Variants in SUPT20H observed in about 807,000 individuals in gnomAD.
The protein encoded by SUPT20H is SPT20 homolog, SAGA complex component.
A neutral mutation model predicts 122.8 loss-of-function variants in SUPT20H; 82 were observed. The ratio of observed to expected loss-of-function variants is 0.67; its 90% CI spans 0.56 to 0.80. The LOEUF is 0.80. SUPT20H is among the 30% of genes least tolerant of loss of function. The pLI, the probability that SUPT20H is intolerant of heterozygous loss-of-function variation, is 0.00. For synonymous variants in SUPT20H, 291 were observed against 313.0 expected (o/e 0.93, Z 0.74); for missense variants, 831 against 921.6 (o/e 0.90, Z 1.27).
chr13:37,029,581 A>G (rs2062936578), intron 13 of SUPT20H, among the ~76,000 whole-genome samples, 184 bp downstream of exon 13: 1 of 152,124 alleles, frequency 6.6e-6, no homozygotes, highest in Non-Finnish European at 1.5e-5. Context: ...GCTGTTTAAA[A>G]TGCAAAGCAT....
At chr13:37,053,549 G>A (rs1401452873) in intron 1 of SUPT20H, among the ~76,000 whole-genome samples, 1 of 151,970 alleles carries the variant, frequency 6.6e-6, no homozygotes, top group Non-Finnish European at 1.5e-5. Flanking sequence ...GGGATGGAGA[G>A]CATTAGGACA....
Position 37,022,078 on chromosome 13 carries a change from T to C in SUPT20H, c.1594A>G (p.Thr532Ala). The C allele has an allele frequency of 1.2e-6, 2 of 1,614,062 alleles. No individual in the cohort carries two copies. The highest frequency in any genetic ancestry group is 1.7e-6 in the Non-Finnish European group (2 of 1,179,946). Reference protein sequence around the residue: ...ALSPASSSQRTTATQVMANSA... With the variant: ...ALSPASSSQRATATQVMANSA... ...TTTGCCATGACCTGGGTGGCCGTGG[T>C]TCCTGGAGTTATAGATGTTACCATG... The change falls in exon 20 of 26, where the codon ACC becomes GCC. Residue 532 changes from threonine (T) to alanine (A), a missense_variant and splice_region_variant. Physicochemically the swap from Thr to Ala is moderately conservative, Grantham distance 58. Transcript: ENST00000350612. The surrounding 1 kb of genome is among the most constrained non-coding windows in gnomAD (Gnocchi z 4.5).
At position 37,012,423 on chromosome 13, in the gene SUPT20H, C is replaced by A. The variant is rs1018922741; in HGVS notation, c.1993-126G>T. The A allele has an allele frequency of 4.9e-6, 3 of 606,546 alleles. No homozygotes were observed. In the African/African-American group the frequency reaches 5.6e-5, roughly 11 times the overall value. 37.6% of individuals were successfully genotyped at this position (606,546 alleles called of 1,614,324 possible). ...TAGACTAGTCTTGTAAAAAGAATAA[C>A]AAGGAAAATACTTCAAAGGTATTTA... is the stretch of plus-strand genomic sequence containing the variant. On this transcript the variant is annotated intron_variant, in intron 23 of 25. Transcript: ENST00000350612.
chr13:37,025,476 C>A, intron 16 of SUPT20H, 39 bp from the exon 17 acceptor site: 1 of 1,367,706 alleles, frequency 7.3e-7, no homozygotes, highest in Admixed American at 1.9e-5. Flanking sequence ...ATTAGAAAAC[C>A]TGTTTTAAAC....
Position 37,043,845 on chromosome 13 carries a change from C to T in SUPT20H, c.396+233G>A, listed in dbSNP as rs148780682. Among the ~76,000 whole-genome samples the T allele has an allele frequency of 0.026, 3,925 of 151,290 alleles. 167 individuals are homozygous for T. Among genetic ancestry groups the T allele is most frequent in the African/African-American group, 0.091 (3,750 of 41,276 alleles). On this transcript the variant is annotated intron_variant, in intron 7 of 25. Transcript: ENST00000350612. ...AAACTCCTGGGCTCAAGTGATCCTCCTGCCTTAGCCTCCCAAAGTGCTGGG... is the reference window on the plus strand; with the variant it reads ...AAACTCCTGGGCTCAAGTGATCCTCTTGCCTTAGCCTCCCAAAGTGCTGGG...
At chr13:37,036,037 TG>T (rs2064321351) in intron 9 of SUPT20H, among the ~76,000 whole-genome samples, 1 of 152,262 alleles carries the variant, frequency 6.6e-6, no homozygotes, top group Middle Eastern at 3.4e-3. Flanking sequence ...AAACAATCAA[TG>T]GGGCAAACTT....
chr13:37,021,253 C>T (rs1428390110), intron 21 of SUPT20H, among the ~76,000 whole-genome samples, 195 bp downstream of exon 21: 1 of 152,192 alleles, frequency 6.6e-6, no homozygotes, highest in East Asian at 1.9e-4. Context: ...ACCAAGTTTT[C>T]CACAGAAGTT....
Position 37,021,594 on chromosome 13 carries a change from TG to T in SUPT20H, c.1669del (p.Gln557ArgfsTer3). The T allele has an allele frequency of 6.2e-7, 1 of 1,612,272 alleles. No homozygotes were observed. Among genetic ancestry groups the T allele is most frequent in the Non-Finnish European group, 8.5e-7 (1 of 1,179,478 alleles). ...GGGGTTTGAACCACTCATCAAAGCC[TG>T]GGCCCCACTGCAGGAGAATAAGACA... Reference protein sequence around the residue: ...INVVGSVCGAQALMSGSNPML... With the variant: ...INVVGSVCGAXALMSGSNPML... On this transcript the variant is annotated frameshift_variant, in exon 21 of 26. Coordinates refer to ENST00000350612, the MANE Select transcript of SUPT20H (RefSeq NM_001014286.3). LOFTEE classifies it high-confidence loss of function.
At chr13:37,031,155 T>C (rs542058291) in intron 12 of SUPT20H, among the ~76,000 whole-genome samples, 2 of 152,106 alleles carry the variant, frequency 1.3e-5, no homozygotes, top group East Asian at 3.9e-4. Flanking sequence ...TATTTTATTT[T>C]ATGTCAAATA....
chr13:37,010,772 A>C, intron 24 of SUPT20H, 117 bp from the exon 25 acceptor site: 2 of 683,620 alleles, frequency 2.9e-6, no homozygotes, highest in South Asian at 3.7e-5. Context: ...ATTAATCTTA[A>C]GTATCAAATC....
At chr13:37,046,881 C>A (rs139079775) in intron 5 of SUPT20H, 2 of 152,186 alleles carry the variant, frequency 1.3e-5, no homozygotes, top group African/African-American at 4.8e-5. Context: ...TAAAGTTAGA[C>A]ACTACTGGAA....
Position 37,010,914 on chromosome 13 carries a change from C to T in SUPT20H, c.2099-259G>A, listed in dbSNP as rs559486293. 6.3e-4 allele frequency: 190 copies of T among 302,496 alleles called. 1 individual carries two copies. The highest frequency in any genetic ancestry group is 3.3e-3 in the African/African-American group (156 of 47,772). 18.7% of individuals were successfully genotyped at this position (302,496 alleles called of 1,614,324 possible). ...AAAGCACTGAACCTCTCTTCTCTTG[C>T]ATCTGTATAAAATTTGATATTGATG... On this transcript the variant is annotated intron_variant, in intron 24 of 25. Transcript: ENST00000350612.
chr13:37,056,325 T>C (rs554373190), intron 1 of SUPT20H, among the ~76,000 whole-genome samples: 11 of 152,344 alleles, frequency 7.2e-5, no homozygotes, highest in South Asian at 4.1e-4. Context: ...CGTATGTTTA[T>C]TGCAGCACTA....
At chr13:37,023,753 G>A (rs1054592796) in intron 19 of SUPT20H, 1 of 253,390 alleles carries the variant, frequency 3.9e-6, no homozygotes, top group Non-Finnish European at 7.4e-6. Context: ...ATTGCCACAT[G>A]TAACTACCAG....
At position 37,025,363 on chromosome 13, in the gene SUPT20H, C is replaced by A. The variant is rs1230018270; in HGVS notation, c.1286G>T (p.Gly429Val). 1 of 1,613,804 alleles carries A rather than the reference C, an allele frequency of 6.2e-7. No individual in the cohort carries two copies. Among genetic ancestry groups the A allele is most frequent in the Non-Finnish European group, 8.5e-7 (1 of 1,179,868 alleles). Residue 429 changes from glycine (G) to valine (V), a missense_variant, in exon 17 of 26, where the codon GGC becomes GTC. Gly to Val is a moderately radical substitution (Grantham distance 109, BLOSUM62 -3). Transcript: ENST00000350612. The stretch of plus-strand genomic sequence containing the variant: ...AGAAACCTGACTCAGACTGGCTGAG[C>A]CACTGGAGCTGTGTGACATCTTGAC... ...CPVKMSHSSS[G>V]SASLSQVSPG...
chr13:37,027,664 T>A (rs2062553940), intron 14 of SUPT20H, among the ~76,000 whole-genome samples: 1 of 152,152 alleles, frequency 6.6e-6, no homozygotes, highest in Non-Finnish European at 1.5e-5. Context: ...CAGTACCAAA[T>A]ATATGTAGTT....
chr13:37,017,434 C>T (rs2060703722), intron 22 of SUPT20H, 70 bp from the exon 23 acceptor site: 3 of 1,443,344 alleles, frequency 2.1e-6, no homozygotes, highest in African/African-American at 2.9e-5. Flanking sequence ...ATTTATTCTA[C>T]AAATATTTTT....
chr13:37,045,483 CA>C (rs2066256855), intron 5 of SUPT20H, 110 bp from the exon 6 acceptor site: 3 of 1,336,344 alleles, frequency 2.2e-6, no homozygotes, highest in Admixed American at 4.7e-5. Flanking sequence ...GCTCTTTCTG[CA>C]TTATGATTCT....
At chr13:37,043,339 G>T (rs1318564985) in intron 7 of SUPT20H, among the ~76,000 whole-genome samples, 2 of 152,174 alleles carry the variant, frequency 1.3e-5, no homozygotes, top group Non-Finnish European at 2.9e-5. Flanking sequence ...ACACAGTATG[G>T]CTGGGGTTAA....
Sources: gnomAD v4.1 joint callset for allele counts (sites outside exome capture counted in the v4.1 genomes callset) on GRCh38, gnomAD v4.1.1 for gene constraint, Gnocchi (gnomAD v3.1) non-coding constraint, MANE v1.5 for transcripts, NCBI Gene and HGNC (gene_info 2026-07-23, HGNC 2026-07-21) for gene names.